Variants in RGMA observed in about 807,000 individuals in gnomAD.
RGMA encodes the protein repulsive guidance molecule BMP co-receptor a.
Under a neutral mutation model 23.2 loss-of-function variants are expected in RGMA, and 10 were observed. That is an observed-to-expected ratio of 0.43 (90% CI 0.27 to 0.73). The LOEUF (loss-of-function observed/expected upper bound fraction) is 0.73. RGMA is among the 30% of genes least tolerant of loss of function. The pLI is 0.20. For synonymous variants in RGMA, 308 were observed against 279.3 expected (o/e 1.10, Z -1.03); for missense variants, 547 against 630.5 (o/e 0.87, Z 1.42).
intron 2 of RGMA, among the ~76,000 whole-genome samples, chr15:93,064,498 C>A (rs1441740918): frequency 6.6e-6 from 1 of 152,214 alleles, no homozygotes; most frequent in Non-Finnish European, 1.5e-5. Context: ...GCAGGCAGGC[C>A]TTCCTCCTTC....
At chr15:93,051,876 G>T in intron 3 of RGMA, 117 bp downstream of exon 3, 1 of 1,113,494 alleles carries the variant, frequency 9.0e-7, no homozygotes, top group Non-Finnish European at 1.3e-6. Context: ...CTGTGTCCCC[G>T]CTCCGCTCCG....
rs751777604 is a variant in RGMA, at chr15:93,052,428, G to A, written c.210C>T (p.Asp70=). 45 of 1,595,762 alleles carry A rather than the reference G, an allele frequency of 2.8e-5. No homozygotes were observed. Among genetic ancestry groups the A allele is most frequent in the Admixed American group, 1.5e-4 (9 of 59,774 alleles). Residue 70 remains aspartate (D), a synonymous_variant, in exon 3 of 4, where the codon GAC becomes GAT. Coordinates refer to ENST00000329082, the MANE Select transcript of RGMA (RefSeq NM_020211.3). The part of the protein sequence containing the change: ...ATSGSHAPAS[D]DTPEFCAALR... Reference sequence around the variant, plus strand: ...AGGCTGCACAGAACTCGGGGGTGTCGTCTGAGGCTGGGGCGTGGCTGCCCG... The same window carrying A: ...AGGCTGCACAGAACTCGGGGGTGTCATCTGAGGCTGGGGCGTGGCTGCCCG...
At chr15:93,062,120 C>T (rs1894986161) in intron 2 of RGMA, among the ~76,000 whole-genome samples, 1 of 152,056 alleles carries the variant, frequency 6.6e-6, no homozygotes. Flanking sequence ...AGGGGTAAGG[C>T]TCATTTTGAG....
chr15:93,051,145 G>A (rs2054911970), intron 3 of RGMA, among the ~76,000 whole-genome samples: 1 of 152,248 alleles, frequency 6.6e-6, no homozygotes, highest in Non-Finnish European at 1.5e-5. Context: ...AGGCAGGCAA[G>A]GGCCACCGGA....
At chr15:93,078,149 C>T (rs925924644) in intron 1 of RGMA, among the ~76,000 whole-genome samples, 1 of 152,192 alleles carries the variant, frequency 6.6e-6, no homozygotes. Context: ...TGTGAGCTAC[C>T]CTAGTACCTC....
In RGMA at chr15:93,044,128, A is replaced by T. The variant is rs2054772013; in HGVS notation, c.*870T>A. On this transcript the variant is annotated 3_prime_UTR_variant, in exon 4 of 4. Transcript: ENST00000329082. ...AGGAAGCAGAGGATCAGGGCAGGCCAGCTGGCCCCATCCACTGGGTCTCCT... is the reference window on the plus strand; with the variant it reads ...AGGAAGCAGAGGATCAGGGCAGGCCTGCTGGCCCCATCCACTGGGTCTCCT... The T allele has an allele frequency of 6.6e-6, 1 of 152,324 alleles. No homozygotes were observed. Among genetic ancestry groups the T allele is most frequent in the African/African-American group, 2.4e-5 (1 of 41,472 alleles). 9.4% of individuals were successfully genotyped at this position (152,324 alleles called of 1,614,324 possible).
At chr15:93,071,409 A>G (rs1206934062) in intron 2 of RGMA, among the ~76,000 whole-genome samples, 1 of 152,160 alleles carries the variant, frequency 6.6e-6, no homozygotes, top group Non-Finnish European at 1.5e-5. Flanking sequence ...TCCCCTGCGG[A>G]GGTTTTGACA....
intron 2 of RGMA, among the ~76,000 whole-genome samples, chr15:93,068,162 A>G (rs796868624): frequency 6.6e-5 from 10 of 152,318 alleles, no homozygotes; most frequent in African/African-American, 2.4e-4. Flanking sequence ...TTTTAAAACT[A>G]GGAAAGTCCT....
chr15:93,051,894 C>A, intron 3 of RGMA, 99 bp downstream of exon 3: 2 of 1,286,474 alleles, frequency 1.6e-6, no homozygotes, highest in Admixed American at 2.1e-5. Context: ...CCGTCTTCCC[C>A]CATTCCCAGG....
rs971177161 is a variant in RGMA, at chr15:93,038,368, A to G, written c.*6630T>C. 6 of 152,148 alleles carry G rather than the reference A, an allele frequency of 3.9e-5. No homozygotes were observed. Among genetic ancestry groups the G allele is most frequent in the African/African-American group, 1.4e-4 (6 of 41,444 alleles). The allele number at this position is 152,148 out of a possible 1,614,324, so 9.4% of individuals were successfully genotyped here. A position where few individuals can be genotyped will look rare whatever the true frequency, so the allele number is the denominator to read the frequency against. ...TTTCTGGACCATACCTGAGATTTGC[A>G]CACAGGAAAGTGCAGTCCCTGCCCT... is the stretch of plus-strand genomic sequence containing the variant. On this transcript the variant is annotated 3_prime_UTR_variant, in exon 4 of 4. Transcript: ENST00000329082.
intron 2 of RGMA, among the ~76,000 whole-genome samples, chr15:93,072,216 C>T (rs79985695): frequency 0.015 from 2,330 of 152,142 alleles, 81 homozygotes; most frequent in African/African-American, 0.054. Context: ...GGTCCGGGCT[C>T]GGAGGAATTT....
At chr15:93,084,010 A>G (rs1416153282) in intron 1 of RGMA, among the ~76,000 whole-genome samples, 2 of 152,244 alleles carry the variant, frequency 1.3e-5, no homozygotes, top group Non-Finnish European at 2.9e-5. Context: ...TGTAAATGAA[A>G]GCACATTAGA....
chr15:93,073,631 C>T, intron 1 of RGMA: 1 of 1,537,158 alleles, frequency 6.5e-7, no homozygotes, highest in East Asian at 2.4e-5. Context: ...CACTCAGACG[C>T]GACACCGGTG....
chr15:93,073,149 C>T (rs1203816641), intron 1 of RGMA, 118 bp from the exon 2 acceptor site: 19 of 1,233,850 alleles, frequency 1.5e-5, no homozygotes, highest in Non-Finnish European at 1.9e-5. Flanking sequence ...GCCGCGGGCG[C>T]CCGGCGCGCT....
intron 2 of RGMA, 140 bp downstream of exon 2, chr15:93,072,776 C>T (rs1188607962): frequency 2.0e-6 from 2 of 986,110 alleles, no homozygotes; most frequent in East Asian, 5.5e-5. Flanking sequence ...GCGGGAGAAA[C>T]AAAAGACCCG....
At chr15:93,071,502 G>C (rs893012365) in intron 2 of RGMA, among the ~76,000 whole-genome samples, 5 of 152,224 alleles carry the variant, frequency 3.3e-5, no homozygotes, top group African/African-American at 1.2e-4. Context: ...TGGAACCTAG[G>C]TCTGGAGAGC....
chr15:93,058,145 G>A (rs565134898), intron 2 of RGMA, among the ~76,000 whole-genome samples: 2 of 152,182 alleles, frequency 1.3e-5, no homozygotes, highest in Non-Finnish European at 2.9e-5. Context: ...TCCTATATGA[G>A]AAAGAAAAAT....
chr15:93,048,346 G>A (rs192300459), intron 3 of RGMA, among the ~76,000 whole-genome samples: 4 of 152,128 alleles, frequency 2.6e-5, no homozygotes, highest in African/African-American at 9.7e-5. Context: ...AGCTGAACGA[G>A]GGGCAGGCTG....
Position 93,085,603 on chromosome 15 carries a change from C to T in RGMA, c.14+3316G>A, listed in dbSNP as rs559097420. Among the ~76,000 whole-genome samples, 50 of 152,312 alleles carry T rather than the reference C, an allele frequency of 3.3e-4. No individual in the cohort carries two copies. In the Middle Eastern group the frequency reaches 0.014, roughly 41 times the overall value. The stretch of plus-strand genomic sequence containing the variant: ...TGTGGTAATCTGGATATAATCATTT[C>T]GTAAGTTGGGTAGGTACATAGTACA... On this transcript the variant is annotated intron_variant, in intron 1 of 3. Coordinates refer to ENST00000329082, the MANE Select transcript of RGMA (RefSeq NM_020211.3).
Sources: allele counts gnomAD v4.1 joint callset (sites outside exome capture counted in the v4.1 genomes callset), GRCh38; gene constraint gnomAD v4.1.1; transcripts MANE v1.5; gene names NCBI Gene and HGNC (gene_info 2026-07-23, HGNC 2026-07-21).